SCAPER: variants seen among roughly 807,000 people sequenced by gnomAD.
The protein encoded by SCAPER is S-phase cyclin A associated protein in the ER, also known as S phase cyclin A-associated protein in the endoplasmic reticulum.
Under a neutral mutation model 182.2 loss-of-function variants are expected in SCAPER, and 98 were observed. That is an observed-to-expected ratio of 0.54 (90% CI 0.46 to 0.64). SCAPER has a LOEUF of 0.64. Among genes scored for constraint, SCAPER ranks in the 30% least tolerant of loss-of-function variants. SCAPER has a pLI of 0.00. For synonymous variants in SCAPER, 605 were observed against 564.6 expected (o/e 1.07, Z -1.01); for missense variants, 1,432 against 1,690.0 (o/e 0.85, Z 2.68).
intron 24 of SCAPER, among the ~76,000 whole-genome samples, chr15:76,497,094 C>T (rs1055426382): frequency 2.1e-5 from 3 of 141,242 alleles, no homozygotes; most frequent in African/African-American, 7.9e-5. Context: ...TCCCATGAAG[C>T]AGTTTTGGTC....
intron 3 of SCAPER, among the ~76,000 whole-genome samples, chr15:76,862,113 G>C (rs1016813992): frequency 3.9e-5 from 6 of 152,094 alleles, no homozygotes; most frequent in African/African-American, 1.4e-4. Flanking sequence ...GGTGAGATTT[G>C]GGTGGGGAGA....
chr15:76,849,902 T>C (rs3106375), intron 4 of SCAPER, among the ~76,000 whole-genome samples: 23,407 of 152,104 alleles, frequency 0.15, 2,041 homozygotes, highest in African/African-American at 0.24. Flanking sequence ...GGCACCTTCT[T>C]CACAGAGTGG....
intron 23 of SCAPER, among the ~76,000 whole-genome samples, chr15:76,572,338 TC>T (rs956348659): frequency 3.9e-5 from 6 of 152,212 alleles, no homozygotes; most frequent in African/African-American, 1.4e-4. Flanking sequence ...TTTTAAAAGA[TC>T]AGAGATTTTT....
In SCAPER at chr15:76,722,671, A is replaced by C. The variant is rs1480856959; in HGVS notation, c.2165+5924T>G. On this transcript the variant is annotated intron_variant, in intron 17 of 31. Coordinates refer to ENST00000563290, the MANE Select transcript of SCAPER (RefSeq NM_020843.4). ...TAAGTCTTGGGAGGGTGTATGTGTC[A>C]AGGAATTTATCCATTTCTTCTAGAT... is the stretch of plus-strand genomic sequence containing the variant. Among the ~76,000 whole-genome samples the C allele has an allele frequency of 8.0e-4, 121 of 152,160 alleles. 1 individual carries two copies. Among genetic ancestry groups the C allele is most frequent in the South Asian group, 8.3e-4 (4 of 4,824 alleles).
At chr15:76,527,192 A>G (rs1375753023) in intron 23 of SCAPER, among the ~76,000 whole-genome samples, 1 of 152,212 alleles carries the variant, frequency 6.6e-6, no homozygotes, top group Non-Finnish European at 1.5e-5. Context: ...GTTTTATAAA[A>G]TTAATTTCAC....
rs1039934794 is a variant in SCAPER, at chr15:76,434,156, G to T, written c.3233C>A (p.Pro1078Gln). The T allele has an allele frequency of 6.2e-7, 1 of 1,613,932 alleles. No homozygotes were observed. The highest frequency in any genetic ancestry group is 1.6e-4 in the Middle Eastern group (1 of 6,062). ...TTTCATTTCCTGTGTTGGTATTTTT[G>T]GGGTAGCTGGCTGGCAGTTTCCATC... is the stretch of plus-strand genomic sequence containing the variant. ...RPDGNCQPAT[P>Q]KIPTQEMKNK... Residue 1078 changes from proline to glutamine, a missense_variant, in exon 26 of 32, where the codon CCA becomes CAA. Physicochemically the swap from Pro to Gln is moderately conservative, Grantham distance 76. Transcript: ENST00000563290.
At chr15:76,659,762 T>C (rs1477121666) in intron 21 of SCAPER, among the ~76,000 whole-genome samples, 1 of 152,204 alleles carries the variant, frequency 6.6e-6, no homozygotes, top group African/African-American at 2.4e-5. Flanking sequence ...GGAATGCTTA[T>C]ATACTGTTGG....
chr15:76,813,238 A>AC (rs1568219186), intron 5 of SCAPER, among the ~76,000 whole-genome samples: 2 of 87,512 alleles, frequency 2.3e-5, no homozygotes, highest in East Asian at 2.8e-4. Flanking sequence ...AAAAAAAAAA[A>AC]AAAAAAAAAA....
rs191095779 is a variant in SCAPER at position 76,525,126 on chromosome 15, C to A, written c.2839-20152G>T. On this transcript the variant is annotated intron_variant, in intron 23 of 31. Transcript: ENST00000563290. ...CTTTTTCTTTATGACATCATTAGCCCCATCTTAGGATTTAACTGATTTTGA... is the reference window on the plus strand; with the variant it reads ...CTTTTTCTTTATGACATCATTAGCCACATCTTAGGATTTAACTGATTTTGA... Among the ~76,000 whole-genome samples, 11 of 152,026 alleles carry A rather than the reference C, an allele frequency of 7.2e-5. No individual in the cohort carries two copies. The East Asian group carries it at 2.1e-3, about 29-fold the overall frequency.
intron 8 of SCAPER, among the ~76,000 whole-genome samples, chr15:76,777,106 C>A (rs931007260): frequency 2.0e-5 from 3 of 151,886 alleles, no homozygotes; most frequent in Non-Finnish European, 4.4e-5. Context: ...TAAATACACA[C>A]AAAAAAATAT....
intron 29 of SCAPER, among the ~76,000 whole-genome samples, chr15:76,355,386 G>A (rs1325032190): frequency 6.6e-6 from 1 of 152,310 alleles, no homozygotes; most frequent in Non-Finnish European, 1.5e-5. Flanking sequence ...GCTATGTGCT[G>A]CCATTTCTGA....
intron 9 of SCAPER, among the ~76,000 whole-genome samples, chr15:76,772,984 T>C (rs540853665): frequency 1.0e-3 from 156 of 152,030 alleles, no homozygotes; most frequent in Middle Eastern, 3.4e-3. Flanking sequence ...ATTCTACTAT[T>C]GGTCAGAACT....
intron 5 of SCAPER, among the ~76,000 whole-genome samples, chr15:76,836,656 G>A (rs137980380): frequency 0.03 from 4,496 of 152,174 alleles, 89 homozygotes; most frequent in Non-Finnish European, 0.047. Flanking sequence ...GGAGGATCAC[G>A]AGGTCAGGAG....
intron 31 of SCAPER, chr15:76,349,333 A>C (rs892358343): frequency 6.6e-6 from 1 of 152,256 alleles, no homozygotes; most frequent in Non-Finnish European, 1.5e-5. Flanking sequence ...TTAATTTAAA[A>C]CATGAATGTA....
chr15:76,426,486 T>C (rs937897462), intron 26 of SCAPER, among the ~76,000 whole-genome samples: 5 of 152,228 alleles, frequency 3.3e-5, no homozygotes, highest in African/African-American at 1.2e-4. Flanking sequence ...GCGTCGCTCA[T>C]GCTGGGAGCT....
chr15:76,822,891 T>A (rs1342410837), intron 5 of SCAPER, among the ~76,000 whole-genome samples: 5 of 152,168 alleles, frequency 3.3e-5, no homozygotes, highest in Admixed American at 2.6e-4. Flanking sequence ...GTCAAAGCTG[T>A]CATTTAATTG....
At chr15:76,733,406 A>G in intron 15 of SCAPER, 22 bp from the exon 16 acceptor site, 2 of 1,608,386 alleles carry the variant, frequency 1.2e-6, no homozygotes, top group Non-Finnish European at 1.7e-6. Context: ...CAAAGAAGGT[A>G]AGGTTCAGAT....
chr15:76,835,404 A>T (rs1212038579), intron 5 of SCAPER, among the ~76,000 whole-genome samples: 2 of 152,242 alleles, frequency 1.3e-5, no homozygotes, highest in African/African-American at 4.8e-5. Flanking sequence ...GCAAGTCAAT[A>T]AATGTGATCC....
intron 25 of SCAPER, among the ~76,000 whole-genome samples, chr15:76,438,429 A>C (rs2142612026): frequency 6.6e-6 from 1 of 152,332 alleles, no homozygotes; most frequent in African/African-American, 2.4e-5. Context: ...AATAAGCTCA[A>C]TGTAAAGCAA....
Sources: allele counts gnomAD v4.1 joint callset (sites outside exome capture counted in the v4.1 genomes callset), GRCh38; gene constraint gnomAD v4.1.1; transcripts MANE v1.5; gene names NCBI Gene and HGNC (gene_info 2026-07-23, HGNC 2026-07-21).